TAS1R2: variants seen among roughly 807,000 people sequenced by gnomAD.
The protein encoded by TAS1R2 is taste 1 receptor member 2.
In TAS1R2, 47 loss-of-function variants were observed where a neutral mutation model predicts 49.3. The observed-to-expected ratio is 0.95, with a 90% CI of 0.75 to 1.22. TAS1R2 has a LOEUF of 1.22. Ranked by LOEUF, TAS1R2 falls within the 50% of genes most tolerant of loss-of-function variation. TAS1R2 has a pLI of 0.00. For missense variants in TAS1R2, 1,155 were observed against 1,122.1 expected (o/e 1.03, Z -0.42); for synonymous variants, 479 against 467.9 (o/e 1.02, Z -0.31).
rs183721291 is a variant in TAS1R2 at position 18,840,901 on chromosome 1, C to T, written c.1592-374G>A. 1.4e-4 allele frequency among the ~76,000 whole-genome samples: 21 copies of T among 152,298 alleles called. No homozygotes were observed. In the East Asian group the frequency reaches 2.5e-3, roughly 18 times the overall value. On this transcript the variant is annotated intron_variant, in intron 5 of 5. Coordinates refer to ENST00000375371, the Ensembl canonical transcript of TAS1R2. ...TGACTCAAAGAATGCATTCAATACA[C>T]GTGTTTTTGAGCACCATCCATTGTG... is the stretch of plus-strand genomic sequence containing the variant.
intron 4 of TAS1R2, among the ~76,000 whole-genome samples, chr1:18,848,164 C>T (rs80309487): frequency 0.046 from 6,946 of 152,122 alleles, 519 homozygotes; most frequent in African/African-American, 0.15. Context: ...AGAGAACCTC[C>T]GCCACAGACT....
At chr1:18,846,072 G>A (rs1439639462) in intron 4 of TAS1R2, among the ~76,000 whole-genome samples, 1 of 152,204 alleles carries the variant, frequency 6.6e-6, no homozygotes, top group Non-Finnish European at 1.5e-5. Flanking sequence ...TCTGTGGCCT[G>A]CCTCATATTT....
chr1:18,841,684 G>T (rs548142444), intron 5 of TAS1R2, 45 bp downstream of exon 5: 1 of 1,589,748 alleles, frequency 6.3e-7, no homozygotes, highest in East Asian at 2.3e-5. Context: ...GCAGGGCAGG[G>T]GCAGGGCAGG....
chr1:18,852,569 T>C (rs1219554813), intron 3 of TAS1R2, among the ~76,000 whole-genome samples: 1 of 152,136 alleles, frequency 6.6e-6, no homozygotes, highest in Non-Finnish European at 1.5e-5. Context: ...TGTTGGGCTG[T>C]CTCAAGAATG....
At chr1:18,845,712 C>T (rs1933908424) in intron 4 of TAS1R2, among the ~76,000 whole-genome samples, 1 of 152,154 alleles carries the variant, frequency 6.6e-6, no homozygotes, top group Admixed American at 6.5e-5. Context: ...GTCTGGCACC[C>T]AAGGACTCAC....
At chr1:18,852,692 A>G (rs1455983285) in intron 3 of TAS1R2, among the ~76,000 whole-genome samples, 3 of 152,064 alleles carry the variant, frequency 2.0e-5, no homozygotes, top group African/African-American at 7.2e-5. Flanking sequence ...GTCGCCTCTC[A>G]GTCTTCACCA....
At position 18,854,581 on chromosome 1, in the gene TAS1R2, C is replaced by T. The variant is rs149739674; in HGVS notation, c.889G>A (p.Val297Met). Residue 297 changes from valine to methionine, a missense_variant, in exon 3 of 6, where the codon GTG becomes ATG. Coordinates refer to ENST00000375371, the Ensembl canonical transcript of TAS1R2. The surrounding 1 kb of genome is among the most constrained non-coding windows in gnomAD (Gnocchi z 4.9). ...GCCCAGGACTCGGAGGCGATCCACA[C>T]GGCGCCAGTGAAGTTCTGGCGCAGC... 1.8e-4 allele frequency: 296 copies of T among 1,613,814 alleles called. No homozygotes were observed. Among genetic ancestry groups the T allele is most frequent in the Non-Finnish European group, 2.3e-4 (269 of 1,179,918 alleles).
At chr1:18,841,911 TC>T in intron 4 of TAS1R2, 59 bp from the exon 5 acceptor site, 2 of 1,379,006 alleles carry the variant, frequency 1.5e-6, no homozygotes, top group East Asian at 3.0e-5. Flanking sequence ...GGGGGCCCCC[TC>T]CCCTCTCCAA....
At chr1:18,847,408 G>A (rs1375970454) in intron 4 of TAS1R2, among the ~76,000 whole-genome samples, 1 of 152,084 alleles carries the variant, frequency 6.6e-6, no homozygotes, top group Non-Finnish European at 1.5e-5. Flanking sequence ...TGTGAGGCAG[G>A]CCTAGGAAAC....
chr1:18,859,649 C>T, exon 1 of TAS1R2: 1 of 1,614,182 alleles, frequency 6.2e-7, no homozygotes, highest in Non-Finnish European at 8.5e-7. Flanking sequence ...TGGTCTTTGC[C>T]CTGGGCCCCA....
intron 4 of TAS1R2, 133 bp from the exon 5 acceptor site, chr1:18,841,985 A>AG: frequency 1.7e-6 from 1 of 579,730 alleles, no homozygotes. Flanking sequence ...GAAACTGTAG[A>AG]AAAAAAAAAA....
chr1:18,851,854 A>G (rs1431386288), intron 3 of TAS1R2, among the ~76,000 whole-genome samples: 2 of 151,086 alleles, frequency 1.3e-5, no homozygotes, highest in East Asian at 3.9e-4. Flanking sequence ...CCTTACCACC[A>G]CCCCTGGCCA....
chr1:18,857,049 G>A (rs1934148883), intron 2 of TAS1R2, among the ~76,000 whole-genome samples: 1 of 152,198 alleles, frequency 6.6e-6, no homozygotes, highest in African/African-American at 2.4e-5. Context: ...CCACTTTACA[G>A]GTGAGGAAAC....
At chr1:18,855,601 C>T (rs1208793564) in intron 2 of TAS1R2, among the ~76,000 whole-genome samples, 1 of 152,188 alleles carries the variant, frequency 6.6e-6, no homozygotes, top group Admixed American at 6.5e-5. Context: ...CATCCAGCCT[C>T]ATGGCTTAAT....
intron 4 of TAS1R2, among the ~76,000 whole-genome samples, chr1:18,845,322 C>T (rs1402660218): frequency 1.3e-5 from 2 of 152,166 alleles, no homozygotes; most frequent in Admixed American, 6.5e-5. Context: ...ATCTTCAGGA[C>T]CCCCTGCAAG....
At chr1:18,841,982 T>TCC in intron 4 of TAS1R2, 130 bp from the exon 5 acceptor site, 1 of 521,036 alleles carries the variant, frequency 1.9e-6, no homozygotes, top group Non-Finnish European at 2.6e-6. Flanking sequence ...GTGGAAACTG[T>TCC]AGAAAAAAAA....
rs138259626 is a variant in TAS1R2 at position 18,840,496 on chromosome 1, G to A, written c.1623C>T (p.Asn541=). ...AGGTCTCACTCTGGTAGGACCACTC[G>A]TTATTCGGGCAGGCCTGGCATTCAT... Residue 541 remains asparagine, a synonymous_variant, in exon 6 of 6, where the codon AAC becomes AAT. Transcript: ENST00000375371. 3,276 of 1,614,110 alleles carry A rather than the reference G, an allele frequency of 2.0e-3. 12 individuals carry two copies. The highest frequency in any genetic ancestry group is 6.1e-3 in the Middle Eastern group (37 of 6,062).
intron 3 of TAS1R2, among the ~76,000 whole-genome samples, chr1:18,850,551 C>T (rs1030086104): frequency 4.9e-4 from 74 of 152,350 alleles, no homozygotes; most frequent in African/African-American, 1.7e-3. Context: ...AGGTGGTCGG[C>T]CTGAGGATGA....
At chr1:18,841,936 C>A in intron 4 of TAS1R2, 84 bp from the exon 5 acceptor site, 7 of 1,347,938 alleles carry the variant, frequency 5.2e-6, no homozygotes, top group Middle Eastern at 2.0e-4. Context: ...GCAGGATGTT[C>A]AGGGGAGGAA....
Sources: gnomAD v4.1 joint callset for allele counts (sites outside exome capture counted in the v4.1 genomes callset) on GRCh38, gnomAD v4.1.1 for gene constraint, Gnocchi (gnomAD v3.1) non-coding constraint, MANE v1.5 for transcripts, NCBI Gene and HGNC (gene_info 2026-07-23, HGNC 2026-07-21) for gene names.